Variants in CYP2C18 observed in about 807,000 individuals in gnomAD.
CYP2C18 encodes the protein cytochrome P450 family 2 subfamily C member 18.
In CYP2C18, 38 loss-of-function variants were observed where a neutral mutation model predicts 41.3. That is an observed-to-expected ratio of 0.92 (90% CI 0.71 to 1.21). The LOEUF is 1.21. Among genes scored for constraint, CYP2C18 ranks in the 50% most tolerant of loss-of-function variants. The pLI, the probability that CYP2C18 is intolerant of heterozygous loss-of-function variation, is 0.00. For missense variants in CYP2C18, 635 were observed against 591.4 expected, an observed-to-expected ratio of 1.07 and a Z score of -0.77; for synonymous variants, 236 against 210.0, an observed-to-expected ratio of 1.12 and a Z score of -1.07.
Position 94,735,324 on chromosome 10 carries a change from C to A in CYP2C18, c.1353C>A (p.Thr451=). Reference sequence around the variant, plus strand: ...TGGAGCTGTTTTTATTCCTGACCACCATTTTGCAGAACTTTAACCTGAAAT... The same window carrying A: ...TGGAGCTGTTTTTATTCCTGACCACAATTTTGCAGAACTTTAACCTGAAAT... The part of the protein sequence containing the change: ...ARMELFLFLT[T]ILQNFNLKSQ... The change falls in exon 9 of 9, where the codon ACC becomes ACA. Residue 451 remains threonine, a synonymous_variant. Transcript: ENST00000285979. The A allele has an allele frequency of 6.2e-7, 1 of 1,613,730 alleles. No homozygotes were observed. Among genetic ancestry groups the A allele is most frequent in the Non-Finnish European group, 8.5e-7 (1 of 1,179,760 alleles).
chr10:94,728,661 A>G (rs1205329869), intron 7 of CYP2C18: 1 of 915,420 alleles, frequency 1.1e-6, no homozygotes, highest in Non-Finnish European at 1.3e-6. Flanking sequence ...ACTTGTTGAT[A>G]TCATCTCAGA....
chr10:94,693,401 C>T (rs1401463224), intron 3 of CYP2C18, among the ~76,000 whole-genome samples: 1 of 152,120 alleles, frequency 6.6e-6, no homozygotes, highest in Non-Finnish European at 1.5e-5. Context: ...CATCACGCTT[C>T]CTGTACAGCC....
intron 4 of CYP2C18, among the ~76,000 whole-genome samples, chr10:94,698,838 A>G (rs1847174565): frequency 6.6e-6 from 1 of 152,226 alleles, no homozygotes; most frequent in South Asian, 2.1e-4. Context: ...CCATCAGAGA[A>G]TACTACAAAC....
chr10:94,723,951 A>ATTCTGT (rs1847688995), intron 6 of CYP2C18, among the ~76,000 whole-genome samples: 1 of 152,164 alleles, frequency 6.6e-6, no homozygotes, highest in Non-Finnish European at 1.5e-5. Flanking sequence ...CCATCCATAC[A>ATTCTGT]TATAGATCTG....
At chr10:94,731,305 G>A (rs200739227) in intron 7 of CYP2C18, among the ~76,000 whole-genome samples, 316 of 152,082 alleles carry the variant, frequency 2.1e-3, no homozygotes, top group Non-Finnish European at 2.7e-3. Flanking sequence ...GCGTGAACCC[G>A]GAAGGTGGAG....
At chr10:94,721,045 A>C (rs1847637385) in intron 6 of CYP2C18, among the ~76,000 whole-genome samples, 1 of 151,890 alleles carries the variant, frequency 6.6e-6, no homozygotes, top group African/African-American at 2.4e-5. Context: ...ACAGAGTCTC[A>C]CTGTGTCACC....
intron 6 of CYP2C18, among the ~76,000 whole-genome samples, chr10:94,720,920 T>C (rs752555652): frequency 1.3e-5 from 2 of 152,178 alleles, no homozygotes; most frequent in African/African-American, 2.4e-5. Context: ...TTTTTTGAAA[T>C]GAGTAGAAAT....
At chr10:94,707,999 C>T (rs899137106) in intron 5 of CYP2C18, among the ~76,000 whole-genome samples, 2 of 152,022 alleles carry the variant, frequency 1.3e-5, no homozygotes, top group African/African-American at 4.8e-5. Flanking sequence ...GAGAAGAGGC[C>T]CAATCCAGAA....
At chr10:94,713,669 G>A (rs886418187) in intron 5 of CYP2C18, among the ~76,000 whole-genome samples, 5 of 152,204 alleles carry the variant, frequency 3.3e-5, no homozygotes, top group African/African-American at 1.2e-4. Context: ...ATGGCAGCAT[G>A]ATTTATAATC....
In CYP2C18 at chr10:94,735,761, C is replaced by T. The variant is rs1215380230; in HGVS notation, c.*317C>T. The T allele has an allele frequency of 1.1e-5, 3 of 277,542 alleles. No individual in the cohort carries two copies. The highest frequency in any genetic ancestry group is 2.0e-5 in the Non-Finnish European group (3 of 147,786). 17.2% of individuals were successfully genotyped at this position (277,542 alleles called of 1,614,324 possible). A position where few individuals can be genotyped will look rare whatever the true frequency, so the allele number is the denominator to read the frequency against. ...GAAAAATGATTAATAAATGACAATT[C>T]AGAGCCATTTATTCTCTGCATGCTC... On this transcript the variant is annotated 3_prime_UTR_variant, in exon 9 of 9. Transcript: ENST00000285979.
intron 7 of CYP2C18, among the ~76,000 whole-genome samples, chr10:94,724,945 C>T (rs114486840): frequency 6.6e-6 from 1 of 151,564 alleles, no homozygotes; most frequent in Non-Finnish European, 1.5e-5. Flanking sequence ...TGATTATGCT[C>T]TTTATTTATT....
At chr10:94,695,108 T>G (rs764292082) in intron 4 of CYP2C18, 31 bp downstream of exon 4, 1 of 1,552,158 alleles carries the variant, frequency 6.4e-7, no homozygotes, top group South Asian at 1.2e-5. Flanking sequence ...TCCTGAGATA[T>G]TATTTTTGTT....
intron 4 of CYP2C18, among the ~76,000 whole-genome samples, chr10:94,696,994 CTA>C (rs1847130316): frequency 6.6e-6 from 1 of 152,148 alleles, no homozygotes; most frequent in Non-Finnish European, 1.5e-5. Context: ...AAGACCAAAT[CTA>C]TGTCTGATTG....
At chr10:94,690,949 A>AAAAGG (rs1846986679) in intron 3 of CYP2C18, among the ~76,000 whole-genome samples, 1 of 150,186 alleles carries the variant, frequency 6.7e-6, no homozygotes, top group African/African-American at 2.5e-5. Context: ...ACAGATGCAG[A>AAAAGG]AAAGGCCTTT....
rs186741371 is a variant in CYP2C18, at chr10:94,728,968, G to A, written c.1150-4329G>A. ...AAGTTTTCCAAAAATTAAGAGCCTC[G>A]GGAGGGGACCCGCTTTCAAGATACT... On this transcript the variant is annotated intron_variant, in intron 7 of 8. Transcript: ENST00000285979. Among the ~76,000 whole-genome samples, 39 of 152,132 alleles carry A rather than the reference G, an allele frequency of 2.6e-4. No homozygotes were observed. The South Asian group carries it at 6.9e-3, about 27-fold the overall frequency.
At chr10:94,726,211 T>TAA (rs1177355353) in intron 7 of CYP2C18, among the ~76,000 whole-genome samples, 1 of 150,506 alleles carries the variant, frequency 6.6e-6, no homozygotes, top group African/African-American at 2.5e-5. Flanking sequence ...ATTTTTTTTT[T>TAA]ATTATACTTT....
intron 8 of CYP2C18, 36 bp downstream of exon 8, chr10:94,733,474 A>G (rs376594332): frequency 1.9e-4 from 301 of 1,609,634 alleles, no homozygotes; most frequent in Non-Finnish European, 2.4e-4. Context: ...CCTTCAGGGC[A>G]CATGATACCT....
intron 4 of CYP2C18, among the ~76,000 whole-genome samples, chr10:94,700,089 T>C (rs952586305): frequency 2.6e-5 from 4 of 152,074 alleles, no homozygotes; most frequent in Non-Finnish European, 4.4e-5. Flanking sequence ...TTTCCATCAA[T>C]CTACCAATGA....
chr10:94,710,722 G>T (rs975831623), intron 5 of CYP2C18, among the ~76,000 whole-genome samples: 1 of 152,136 alleles, frequency 6.6e-6, no homozygotes, highest in Non-Finnish European at 1.5e-5. Flanking sequence ...AGAAAACTGT[G>T]TTAAGTTGAT....
Sources: allele counts gnomAD v4.1 joint callset (sites outside exome capture counted in the v4.1 genomes callset), GRCh38; gene constraint gnomAD v4.1.1; transcripts MANE v1.5; gene names NCBI Gene and HGNC (gene_info 2026-07-23, HGNC 2026-07-21).